Variants in ZNF676 observed in about 807,000 individuals in gnomAD.
The protein encoded by ZNF676 is zinc finger protein 676.
In ZNF676, 4 loss-of-function variants were observed where a neutral mutation model predicts 6.0. That is an observed-to-expected ratio of 0.67 (90% CI 0.33 to 1.53). The LOEUF (loss-of-function observed/expected upper bound fraction) is 1.53, where lower values mean the gene tolerates loss of function less well. Among genes scored for constraint, ZNF676 ranks in the 40% most tolerant of loss-of-function variants. The pLI, the probability that ZNF676 is intolerant of heterozygous loss-of-function variation, is 0.06. For synonymous variants in ZNF676, 198 were observed against 223.1 expected, an observed-to-expected ratio of 0.89 and a Z score of 1.00; for missense variants, 644 against 679.7, an observed-to-expected ratio of 0.95 and a Z score of 0.58.
At chr19:22,250,587 TTTTGTTTG>T in the ZNF676 span, among the ~76,000 whole-genome samples, 8 of 152,050 alleles carry the variant, frequency 5.3e-5, no homozygotes, top group African/African-American at 1.9e-4. Context: ...CCCACCTGTT[TTTTGTTTG>T]TTTGTTTGTT....
chr19:22,214,983 G>C (rs1207990367), intron 1 of ZNF676, among the ~76,000 whole-genome samples: 1 of 146,868 alleles, frequency 6.8e-6, no homozygotes, highest in East Asian at 2.1e-4. Flanking sequence ...GGAGCTTCCA[G>C]TGAGCCAAGA....
upstream of ZNF676, chr19:22,215,799 C>CT: frequency 3.8e-6 from 1 of 262,884 alleles, no homozygotes; most frequent in Non-Finnish European, 5.5e-6. Flanking sequence ...CCGACCTGTC[C>CT]CCCCCCCCAG....
upstream of ZNF676, chr19:22,197,031 C>A (rs62112447): frequency 3.1e-5 from 8 of 261,440 alleles, no homozygotes; most frequent in South Asian, 3.7e-4. Flanking sequence ...TTACATCATA[C>A]AGAATTGTGT....
chr19:22,193,674 A>G (rs2023937961), intron 1 of ZNF676, among the ~76,000 whole-genome samples: 1 of 152,138 alleles, frequency 6.6e-6, no homozygotes, highest in East Asian at 1.9e-4. Flanking sequence ...ACCCCCTCCA[A>G]TAACAGAAGT....
At chr19:22,215,519 A>C in intron 1 of ZNF676, 1 of 1,283,100 alleles carries the variant, frequency 7.8e-7, no homozygotes, top group Non-Finnish European at 1.1e-6. Context: ...GAGCTAGGCA[A>C]GGAGAACTTG....
the ZNF676 span, among the ~76,000 whole-genome samples, chr19:22,245,690 T>C: frequency 6.6e-6 from 1 of 151,732 alleles, no homozygotes; most frequent in Admixed American, 6.6e-5. Flanking sequence ...CTCAGGGAAA[T>C]AAAAAGAGTC....
At chr19:22,183,981 A>C (rs1245964155) in intron 2 of ZNF676, among the ~76,000 whole-genome samples, 1 of 152,246 alleles carries the variant, frequency 6.6e-6, no homozygotes, top group African/African-American at 2.4e-5. Context: ...ATAGAATAGA[A>C]GAAACACAAG....
intron 1 of ZNF676, among the ~76,000 whole-genome samples, chr19:22,202,477 T>C (rs185507230): frequency 1.3e-5 from 2 of 152,284 alleles, no homozygotes; most frequent in East Asian, 1.9e-4. Flanking sequence ...GGCCCATCTA[T>C]AGTAAAGCTT....
chr19:22,182,593 A>AAAAAAAAAAAAAAAAAAAAAAAC (rs1356303631), intron 2 of ZNF676, among the ~76,000 whole-genome samples: 2 of 90,928 alleles, frequency 2.2e-5, no homozygotes, highest in African/African-American at 4.5e-5. Context: ...TCTAAAAAAA[A>AAAAAAAAAAAAAAAAAAAAAAAC]AAAAAAAAAG....
chr19:22,232,265 T>C, the ZNF676 span, among the ~76,000 whole-genome samples: 1 of 151,462 alleles, frequency 6.6e-6, no homozygotes. Flanking sequence ...CCTCCCAGGT[T>C]CAAGTGATTC....
At chr19:22,240,795 A>C in the ZNF676 span, among the ~76,000 whole-genome samples, 1 of 151,936 alleles carries the variant, frequency 6.6e-6, no homozygotes, top group Non-Finnish European at 1.5e-5. Context: ...CCATCTCAAA[A>C]AAAGAGAGAA....
At chr19:22,251,451 TCTGA>T in the ZNF676 span, among the ~76,000 whole-genome samples, 5 of 152,162 alleles carry the variant, frequency 3.3e-5, no homozygotes, top group African/African-American at 7.2e-5. Flanking sequence ...ACCAGTGATC[TCTGA>T]CTGCAGCTCA....
upstream of ZNF676, among the ~76,000 whole-genome samples, chr19:22,200,705 CACATTATTCA>C (rs1035210408): frequency 1.8e-4 from 27 of 151,804 alleles, no homozygotes; most frequent in African/African-American, 6.5e-4. Flanking sequence ...GTTTATTCAA[CACATTATTCA>C]ATATTATTCA....
chr19:22,240,148 T>C, the ZNF676 span, among the ~76,000 whole-genome samples: 1 of 152,144 alleles, frequency 6.6e-6, no homozygotes, highest in South Asian at 2.1e-4. Context: ...CAGAATAAAG[T>C]AGAGTCACAT....
intron 2 of ZNF676, among the ~76,000 whole-genome samples, chr19:22,185,917 A>C (rs2145794529): frequency 6.6e-6 from 1 of 152,162 alleles, no homozygotes; most frequent in East Asian, 1.9e-4. Context: ...GGGGTACCTG[A>C]AAGTGATGGG....
At chr19:22,247,908 C>G in the ZNF676 span, among the ~76,000 whole-genome samples, 1 of 149,914 alleles carries the variant, frequency 6.7e-6, no homozygotes, top group Non-Finnish European at 1.5e-5. Context: ...CCCCCTACCC[C>G]ACAACAGGCC....
the ZNF676 span, among the ~76,000 whole-genome samples, chr19:22,238,799 G>A: frequency 6.6e-6 from 1 of 152,294 alleles, no homozygotes; most frequent in South Asian, 2.1e-4. Context: ...AGGGCAGGAA[G>A]CATCCAGCAC....
intron 1 of ZNF676, among the ~76,000 whole-genome samples, chr19:22,215,065 A>AAG (rs2024170408): frequency 1.1e-5 from 1 of 91,440 alleles, no homozygotes; most frequent in Non-Finnish European, 2.4e-5. Context: ...AAAAAACAAC[A>AAG]AAAAACCAGG....
In ZNF676 at chr19:22,179,721, A is replaced by T; in HGVS notation, c.*229T>A. On this transcript the variant is annotated 3_prime_UTR_variant, in exon 3 of 3. Transcript: ENST00000397121. ...ATTTGTAGGGTTTCTCTCCAGTATGAATTCTCTTATGTTCCACAAGGTTTG... is the reference window on the plus strand; with the variant it reads ...ATTTGTAGGGTTTCTCTCCAGTATGTATTCTCTTATGTTCCACAAGGTTTG... 1 of 750,198 alleles carries T rather than the reference A, an allele frequency of 1.3e-6. No individual in the cohort carries two copies. The allele number at this position is 750,198 out of a possible 1,614,324, so 46.5% of individuals were successfully genotyped here.
Sources: gnomAD v4.1 joint callset for allele counts (sites outside exome capture counted in the v4.1 genomes callset) on GRCh38, gnomAD v4.1.1 for gene constraint, MANE v1.5 for transcripts, NCBI Gene and HGNC (gene_info 2026-07-23, HGNC 2026-07-21) for gene names.